The following SGCG variants were observed in gnomAD, a reference collection of about 807,000 sequenced individuals.
SGCG encodes the protein sarcoglycan gamma.
A neutral mutation model predicts 29.3 loss-of-function variants in SGCG; 26 were observed. The ratio of observed to expected loss-of-function variants is 0.89; its 90% CI spans 0.65 to 1.23. SGCG has a LOEUF of 1.23. Ranked by LOEUF, SGCG falls within the 50% of genes most tolerant of loss-of-function variation. The pLI is 0.00. For synonymous variants in SGCG, 145 were observed against 129.7 expected (o/e 1.12, Z -0.80); for missense variants, 353 against 356.0 (o/e 0.99, Z 0.07).
rs139782631 is a variant in SGCG, at chr13:23,287,761, T to TTTG, written c.506-7652_506-7651insGTT. Among the ~76,000 whole-genome samples, 42 of 90,258 alleles carry TTTG rather than the reference T, an allele frequency of 4.7e-4. No individual in the cohort carries two copies. The East Asian group carries it at 5.4e-3, about 12-fold the overall frequency. 59.2% of individuals were successfully genotyped at this position (90,258 alleles called of 152,430 possible). On this transcript the variant is annotated intron_variant, in intron 5 of 7. Transcript: ENST00000218867. ...GGTTTTTTGTTTGTTTGTTTGTTTG[T>TTTG]TTTGTTTTGTTTTGAGACAGCGTCT...
intron 2 of SGCG, among the ~76,000 whole-genome samples, chr13:23,225,843 C>T (rs556105239): frequency 1.3e-5 from 2 of 151,594 alleles, no homozygotes; most frequent in East Asian, 3.9e-4. Context: ...CTGTGCCTAT[C>T]TATATATGTA....
At chr13:23,304,544 A>G (rs1352099340) in intron 6 of SGCG, among the ~76,000 whole-genome samples, 2 of 151,798 alleles carry the variant, frequency 1.3e-5, no homozygotes, top group Non-Finnish European at 2.9e-5. Context: ...ATTCTATTGC[A>G]CCGGTCTCTC....
intron 3 of SGCG, among the ~76,000 whole-genome samples, chr13:23,248,909 T>G (rs1377113394): frequency 5.6e-4 from 71 of 126,152 alleles, no homozygotes; most frequent in African/African-American, 8.2e-4. Context: ...GAGAATGGCG[T>G]GAACCCGGGA....
chr13:23,185,365 T>C (rs1362335360), intron 1 of SGCG, among the ~76,000 whole-genome samples: 1 of 152,200 alleles, frequency 6.6e-6, no homozygotes, highest in African/African-American at 2.4e-5. Flanking sequence ...CTTATTTTTG[T>C]ATTTTTAGTA....
intron 6 of SGCG, among the ~76,000 whole-genome samples, chr13:23,300,731 C>T (rs9510687): frequency 0.73 from 108,447 of 149,490 alleles, 41,007 homozygotes; most frequent in East Asian, 0.89. Flanking sequence ...CAGAGAGAAA[C>T]GACATTGAAG....
rs140675548 is a variant in SGCG at position 23,260,539 on chromosome 13, A to G, written c.385+9822A>G. 6.7e-3 allele frequency among the ~76,000 whole-genome samples: 1,025 copies of G among 152,300 alleles called. 9 individuals are homozygous for G. The highest frequency in any genetic ancestry group is 0.018 in the South Asian group (88 of 4,822). ...GTCTTTTAATTGGGGCATTTAGCCCATTTACATTTAAGATTAATATTGTTA... is the reference window on the plus strand; with the variant it reads ...GTCTTTTAATTGGGGCATTTAGCCCGTTTACATTTAAGATTAATATTGTTA... On this transcript the variant is annotated intron_variant, in intron 4 of 7. Coordinates refer to ENST00000218867, the MANE Select transcript of SGCG (RefSeq NM_000231.3).
chr13:23,280,162 CA>C (rs553529278), intron 5 of SGCG, among the ~76,000 whole-genome samples: 57 of 151,832 alleles, frequency 3.8e-4, no homozygotes, highest in African/African-American at 1.1e-3. Flanking sequence ...CATATTTCTA[CA>C]AAAAAAAGTT....
intron 2 of SGCG, among the ~76,000 whole-genome samples, chr13:23,232,760 C>T (rs745948885): frequency 1.3e-5 from 2 of 151,944 alleles, no homozygotes; most frequent in African/African-American, 2.4e-5. Context: ...CCAGCCTGGG[C>T]GACAGTACAA....
At chr13:23,230,695 G>A (rs1879075084) in intron 2 of SGCG, among the ~76,000 whole-genome samples, 2 of 152,168 alleles carry the variant, frequency 1.3e-5, no homozygotes, top group African/African-American at 4.8e-5. Context: ...CAGAGACTAT[G>A]GGTTATTCTC....
chr13:23,261,542 T>G (rs537706532), intron 4 of SGCG, among the ~76,000 whole-genome samples: 1 of 152,052 alleles, frequency 6.6e-6, no homozygotes. Flanking sequence ...ATCTTAGGTG[T>G]CCTGAGAGAA....
At chr13:23,170,884 T>G in the SGCG span, among the ~76,000 whole-genome samples, 72 of 152,316 alleles carry the variant, frequency 4.7e-4, no homozygotes, top group Non-Finnish European at 9.4e-4. Context: ...ACCGTGCCCC[T>G]GTGTGTGGTC....
chr13:23,260,716 C>T (rs1231279876), intron 4 of SGCG, among the ~76,000 whole-genome samples: 1 of 152,166 alleles, frequency 6.6e-6, no homozygotes, highest in Non-Finnish European at 1.5e-5. Flanking sequence ...GTGCTTCCTT[C>T]AGGAGCTCTT....
intron 4 of SGCG, among the ~76,000 whole-genome samples, chr13:23,267,043 A>G (rs1880666607): frequency 6.6e-6 from 1 of 152,232 alleles, no homozygotes; most frequent in Non-Finnish European, 1.5e-5. Context: ...AATTATAAAC[A>G]ACAGTGGAAT....
At chr13:23,240,704 T>C (rs932237821) in intron 3 of SGCG, among the ~76,000 whole-genome samples, 3 of 81,542 alleles carry the variant, frequency 3.7e-5, no homozygotes, top group African/African-American at 1.4e-4. Context: ...TATAAAAATT[T>C]ATAAATAACC....
At chr13:23,222,218 C>A (rs1285731066) in intron 2 of SGCG, among the ~76,000 whole-genome samples, 1 of 152,112 alleles carries the variant, frequency 6.6e-6, no homozygotes, top group Non-Finnish European at 1.5e-5. Context: ...CTTAGGTACA[C>A]GTATTGCAAC....
intron 5 of SGCG, among the ~76,000 whole-genome samples, chr13:23,280,935 G>C (rs946669146): frequency 1.7e-4 from 26 of 152,214 alleles, no homozygotes; most frequent in African/African-American, 6.0e-4. Flanking sequence ...GGCTCCTTCC[G>C]GGCCATGACA....
In SGCG at chr13:23,250,783, T is replaced by C. The variant is rs543806927; in HGVS notation, c.385+66T>C. 5.2e-5 allele frequency: 47 copies of C among 911,586 alleles called. No individual in the cohort carries two copies. In the African/African-American group the frequency reaches 7.0e-4, roughly 14 times the overall value. The allele number at this position is 911,586 out of a possible 1,614,324, so 56.5% of individuals were successfully genotyped here. ...CCATGAATAGTGCTAAATGAATGCA[T>C]TGTTTTTTCTTCTAAAGAAATCAAA... On this transcript the variant is annotated intron_variant, in intron 4 of 7. Transcript: ENST00000218867.
upstream of SGCG, among the ~76,000 whole-genome samples, chr13:23,177,737 ATT>A (rs35899289): frequency 0.23 from 34,778 of 148,426 alleles, 4,165 homozygotes; most frequent in South Asian, 0.39. Context: ...ATGTCCGGCT[ATT>A]TTTTTTTTTC....
chr13:23,204,672 CCTT>C lies in SGCG; in HGVS notation c.195+787_195+789del, dbSNP rs1877913504. Among the ~76,000 whole-genome samples the C allele has an allele frequency of 2.8e-5, 4 of 144,888 alleles. No homozygotes were observed. In the South Asian group the frequency reaches 8.8e-4, roughly 32 times the overall value. On this transcript the variant is annotated intron_variant, in intron 2 of 7. Transcript: ENST00000218867. ...TTCTTTCCCTTCATTCCCTTCTTTC[CCTT>C]CTTTCTCCTCTTTCTCTCTTTCTTT...
Sources: allele counts gnomAD v4.1 joint callset (sites outside exome capture counted in the v4.1 genomes callset), GRCh38; gene constraint gnomAD v4.1.1; transcripts MANE v1.5; gene names NCBI Gene and HGNC (gene_info 2026-07-23, HGNC 2026-07-21).